Variants in CTNND2 observed in about 807,000 individuals in gnomAD.
CTNND2 encodes the protein catenin delta-2.
A neutral mutation model predicts 144.4 loss-of-function variants in CTNND2; 22 were observed. The ratio of observed to expected loss-of-function variants is 0.15; its 90% CI spans 0.11 to 0.22. The LOEUF (loss-of-function observed/expected upper bound fraction) is 0.22, where lower values mean the gene tolerates loss of function less well. Ranked by LOEUF, CTNND2 falls within the 10% of genes least tolerant of loss-of-function variation. The pLI, the probability that CTNND2 is intolerant of heterozygous loss-of-function variation, is 1.00. For synonymous variants in CTNND2, 751 were observed against 695.6 expected (o/e 1.08, Z -1.25); for missense variants, 1,353 against 1,618.8 (o/e 0.84, Z 2.82).
chr5:11,068,266 G>T (rs1162560311), intron 16 of CTNND2, among the ~76,000 whole-genome samples: 1 of 152,148 alleles, frequency 6.6e-6, no homozygotes, highest in Non-Finnish European at 1.5e-5. Context: ...ATCCCTCAGG[G>T]AGCCTTGAAA....
At chr5:11,564,830 C>A in intron 3 of CTNND2, 114 bp downstream of exon 3, 2 of 671,244 alleles carry the variant, frequency 3.0e-6, no homozygotes, top group Non-Finnish European at 5.2e-6. Context: ...AATTTCTTTC[C>A]AACGTTTGAC....
chr5:11,341,672 CT>C (rs1257336737), intron 9 of CTNND2, among the ~76,000 whole-genome samples: 1 of 152,158 alleles, frequency 6.6e-6, no homozygotes, highest in Non-Finnish European at 1.5e-5. Context: ...ACTGTTTAAA[CT>C]TTAATATTTA....
intron 19 of CTNND2, among the ~76,000 whole-genome samples, chr5:10,990,020 T>C (rs1411228581): frequency 6.6e-6 from 1 of 152,204 alleles, no homozygotes; most frequent in Non-Finnish European, 1.5e-5. Context: ...CAATGCCAGC[T>C]GGCCAGAAGT....
chr5:11,303,964 T>G (rs1749882380), intron 9 of CTNND2, among the ~76,000 whole-genome samples: 1 of 152,142 alleles, frequency 6.6e-6, no homozygotes, highest in Admixed American at 6.5e-5. Context: ...TCTGATGGTT[T>G]TATAAGGAAA....
intron 10 of CTNND2, among the ~76,000 whole-genome samples, chr5:11,213,689 T>C (rs1463201467): frequency 1.3e-5 from 2 of 152,114 alleles, no homozygotes; most frequent in Non-Finnish European, 2.9e-5. Flanking sequence ...GTCATCCTAA[T>C]GGAGAAGGAG....
intron 11 of CTNND2, among the ~76,000 whole-genome samples, chr5:11,198,704 TG>T (rs1410615716): frequency 6.6e-6 from 1 of 152,192 alleles, no homozygotes; most frequent in Non-Finnish European, 1.5e-5. Flanking sequence ...CTGATTAAGA[TG>T]AGTAAGCAGC....
intron 18 of CTNND2, 86 bp from the exon 19 acceptor site, chr5:10,992,763 T>G: frequency 6.6e-7 from 1 of 1,526,492 alleles, no homozygotes; most frequent in African/African-American, 1.4e-5. Context: ...AGTATCTGGA[T>G]TTGCATAATA....
At chr5:11,673,774 G>C (rs909936696) in intron 2 of CTNND2, among the ~76,000 whole-genome samples, 2 of 152,116 alleles carry the variant, frequency 1.3e-5, no homozygotes, top group African/African-American at 2.4e-5. Context: ...AGATAAAAAA[G>C]AAAAATAAAT....
intron 3 of CTNND2, among the ~76,000 whole-genome samples, chr5:11,477,282 T>A (rs1167395207): frequency 6.6e-6 from 1 of 152,206 alleles, no homozygotes; most frequent in African/African-American, 2.4e-5. Flanking sequence ...TTGTTTTTGT[T>A]TTTTTAACAA....
intron 3 of CTNND2, among the ~76,000 whole-genome samples, chr5:11,530,868 T>A (rs1473759316): frequency 6.6e-6 from 1 of 152,240 alleles, no homozygotes; most frequent in Non-Finnish European, 1.5e-5. Context: ...TGGGGTTTTT[T>A]AACTGCTGAT....
chr5:11,729,011 T>C (rs577859213), intron 2 of CTNND2, among the ~76,000 whole-genome samples: 1 of 152,280 alleles, frequency 6.6e-6, no homozygotes. Flanking sequence ...GATTGGTTGT[T>C]TGCATCAGGA....
intron 5 of CTNND2, among the ~76,000 whole-genome samples, chr5:11,403,440 G>C (rs1760803442): frequency 6.6e-6 from 1 of 152,164 alleles, no homozygotes; most frequent in Admixed American, 6.5e-5. Flanking sequence ...TAAAATGGAA[G>C]ACATGAGCAA....
At chr5:11,677,702 G>C (rs1784239151) in intron 2 of CTNND2, among the ~76,000 whole-genome samples, 1 of 152,122 alleles carries the variant, frequency 6.6e-6, no homozygotes, top group Non-Finnish European at 1.5e-5. Context: ...TTCGAGTTTT[G>C]CTTTAAGTCA....
At chr5:11,217,665 G>A (rs1739335988) in intron 10 of CTNND2, among the ~76,000 whole-genome samples, 1 of 152,094 alleles carries the variant, frequency 6.6e-6, no homozygotes, top group South Asian at 2.1e-4. Context: ...AATTTTCCAG[G>A]GTCTAACAGG....
intron 1 of CTNND2, among the ~76,000 whole-genome samples, chr5:11,816,028 C>T (rs1348696912): frequency 6.6e-6 from 1 of 152,100 alleles, no homozygotes; most frequent in African/African-American, 2.4e-5. Flanking sequence ...CACGAGTGTA[C>T]CCTGGTATCC....
At chr5:11,330,195 G>T (rs767887871) in intron 9 of CTNND2, among the ~76,000 whole-genome samples, 1 of 151,602 alleles carries the variant, frequency 6.6e-6, no homozygotes, top group Non-Finnish European at 1.5e-5. Flanking sequence ...AATCTGGCTG[G>T]GCACGGTGGC....
chr5:11,656,876 T>C (rs1782942977), intron 2 of CTNND2, among the ~76,000 whole-genome samples: 1 of 152,134 alleles, frequency 6.6e-6, no homozygotes, highest in Admixed American at 6.6e-5. Flanking sequence ...TTCGGCCAGA[T>C]GGTGGCCATG....
At chr5:11,238,457 T>C (rs1298406410) in intron 9 of CTNND2, among the ~76,000 whole-genome samples, 2 of 152,196 alleles carry the variant, frequency 1.3e-5, no homozygotes. Context: ...AGACAAAGGT[T>C]AAAAGTGTCC....
At chr5:11,591,871 C>A (rs1333649261) in intron 2 of CTNND2, among the ~76,000 whole-genome samples, 2 of 152,088 alleles carry the variant, frequency 1.3e-5, no homozygotes, top group East Asian at 1.9e-4. Flanking sequence ...TTATGGCAAC[C>A]TTTTCTTGGC....
Sources: gnomAD v4.1 joint callset for allele counts (sites outside exome capture counted in the v4.1 genomes callset) on GRCh38, gnomAD v4.1.1 for gene constraint, MANE v1.5 for transcripts, NCBI Gene and HGNC (gene_info 2026-07-23, HGNC 2026-07-21) for gene names.